TRPC5: variants seen among roughly 807,000 people sequenced by gnomAD.
TRPC5 encodes short transient receptor potential channel 5.
TRPC5 carries 9 observed loss-of-function variants against 56.5 expected under a neutral mutation model. The observed-to-expected ratio is 0.16, with a 90% CI of 0.10 to 0.28. The LOEUF is 0.28. TRPC5 is among the 10% of genes least tolerant of loss of function. The probability of loss-of-function intolerance (pLI) is 1.00; values close to 1 mark genes in which losing one functional copy is unlikely to be tolerated. For synonymous variants in TRPC5, 282 were observed against 278.5 expected, an observed-to-expected ratio of 1.01 and a Z score of -0.13; for missense variants, 469 against 748.9, an observed-to-expected ratio of 0.63 and a Z score of 4.36.
chrX:111,859,912 G>C (rs755133852), intron 3 of TRPC5, among the ~76,000 whole-genome samples: 6 of 112,498 alleles, frequency 5.3e-5, no homozygotes, highest in African/African-American at 1.9e-4. Context: ...TTTTTTGTTT[G>C]TTTGTTTGTT....
At position 111,943,892 on chromosome X, in the gene TRPC5, C is replaced by A. The variant is rs147253013; in HGVS notation, c.378+8151G>T. 6.6e-3 allele frequency among the ~76,000 whole-genome samples: 741 copies of A among 112,120 alleles called. 4 individuals are homozygous for A. Among genetic ancestry groups the A allele is most frequent in the African/African-American group, 0.023 (712 of 30,914 alleles). On this transcript the variant is annotated intron_variant, in intron 2 of 10. Transcript: ENST00000262839. ...CACTGGTGGTGCCTTGTGAGGAGTA[C>A]CGTTTGCCAGCTGGTCTCTCCATAC... is the stretch of plus-strand genomic sequence containing the variant.
At chrX:111,921,875 G>A (rs1926136473) in intron 2 of TRPC5, among the ~76,000 whole-genome samples, 1 of 111,913 alleles carries the variant, frequency 8.9e-6, no homozygotes, top group African/African-American at 3.3e-5. Context: ...TTGTAGAAAA[G>A]CTAGGATCCT....
chrX:111,821,579 C>T (rs757238539), intron 7 of TRPC5, among the ~76,000 whole-genome samples: 1 of 111,922 alleles, frequency 8.9e-6, no homozygotes, highest in Non-Finnish European at 1.9e-5. Flanking sequence ...TGGCACAAGG[C>T]TCCAGTAACC....
At chrX:112,008,600 A>C (rs1231739675) in intron 1 of TRPC5, among the ~76,000 whole-genome samples, 1 of 75,276 alleles carries the variant, frequency 1.3e-5, no homozygotes, top group Non-Finnish European at 2.3e-5. Context: ...ACTCTGTCTC[A>C]AAAAAAAAAA....
chrX:112,068,569 C>T (rs1930642676), intron 1 of TRPC5, among the ~76,000 whole-genome samples: 1 of 112,158 alleles, frequency 8.9e-6, no homozygotes, highest in African/African-American at 3.2e-5. Flanking sequence ...TGGCTTCTGA[C>T]ATCTGCCTGC....
intron 3 of TRPC5, among the ~76,000 whole-genome samples, chrX:111,865,755 G>A (rs1036787326): frequency 4.5e-5 from 5 of 112,221 alleles, no homozygotes; most frequent in Non-Finnish European, 9.4e-5. Flanking sequence ...TGATGAATGA[G>A]TGATTGAATA....
At chrX:111,939,162 G>T (rs912747211) in intron 2 of TRPC5, among the ~76,000 whole-genome samples, 6 of 111,776 alleles carry the variant, frequency 5.4e-5, no homozygotes, top group Admixed American at 2.8e-4. Flanking sequence ...ATAATCATAT[G>T]GTTTCTGTCT....
chrX:112,036,618 G>A (rs183966748), intron 1 of TRPC5, among the ~76,000 whole-genome samples: 110 of 112,017 alleles, frequency 9.8e-4, no homozygotes, highest in Non-Finnish European at 1.9e-3. Flanking sequence ...GCATATACCT[G>A]GTTTCTGTAC....
At position 111,768,504 on chromosome X, in the gene TRPC5, C is replaced by G. The variant is rs1282789753; in HGVS notation, c.*7809G>C. ...TCCTGTGAAGAGTTTAACTATTGTT[C>G]TGTTGAATAGTACCTCTGGTGTGCA... On this transcript the variant is annotated 3_prime_UTR_variant, in exon 11 of 11. Transcript: ENST00000262839. 1.8e-5 allele frequency among the ~76,000 whole-genome samples: 2 copies of G among 111,651 alleles called. No individual in the cohort carries two copies. The highest frequency in any genetic ancestry group is 3.3e-5 in the African/African-American group (1 of 30,760).
At chrX:111,808,759 C>T (rs1030760444) in intron 7 of TRPC5, among the ~76,000 whole-genome samples, 2 of 109,719 alleles carry the variant, frequency 1.8e-5, no homozygotes, top group Admixed American at 9.9e-5. Flanking sequence ...TGCTGGGCCA[C>T]ACCTGAAGCC....
chrX:111,793,173 C>A (rs780291695), intron 7 of TRPC5, among the ~76,000 whole-genome samples: 19 of 111,005 alleles, frequency 1.7e-4, no homozygotes, highest in Non-Finnish European at 3.4e-4. Context: ...ATCCTACCAA[C>A]CCTCCTTTTA....
chrX:111,865,248 T>C (rs1185201611), intron 3 of TRPC5, among the ~76,000 whole-genome samples: 1 of 110,049 alleles, frequency 9.1e-6, no homozygotes, highest in African/African-American at 3.3e-5. Flanking sequence ...CTTGAACTCC[T>C]GGGCTCAAGC....
At chrX:111,825,150 T>TCTTTCTTC (rs1922161315) in intron 7 of TRPC5, among the ~76,000 whole-genome samples, 1 of 17,674 alleles carries the variant, frequency 5.7e-5, no homozygotes, top group Admixed American at 9.0e-4. Flanking sequence ...TTCCTTCCTT[T>TCTTTCTTC]CTTTCTTTCT....
chrX:111,910,967 G>T (rs1305940254), intron 3 of TRPC5, among the ~76,000 whole-genome samples: 2 of 112,765 alleles, frequency 1.8e-5, no homozygotes, highest in Non-Finnish European at 3.7e-5. Flanking sequence ...CTTAAAGCAG[G>T]TAAATGGCAA....
chrX:111,933,128 C>T (rs1383073850), intron 2 of TRPC5, among the ~76,000 whole-genome samples: 1 of 112,127 alleles, frequency 8.9e-6, no homozygotes, highest in Non-Finnish European at 1.9e-5. Context: ...CATACATTTC[C>T]TTGTACTGTT....
chrX:111,947,054 A>G (rs1311808870), intron 2 of TRPC5, among the ~76,000 whole-genome samples: 1 of 111,868 alleles, frequency 8.9e-6, no homozygotes, highest in Non-Finnish European at 1.9e-5. Flanking sequence ...GGACCGAGTC[A>G]GGTCAGGAAC....
chrX:112,062,506 C>T (rs1930481934), intron 1 of TRPC5, among the ~76,000 whole-genome samples: 1 of 111,957 alleles, frequency 8.9e-6, no homozygotes, highest in African/African-American at 3.2e-5. Flanking sequence ...GCATACTAGA[C>T]ATGCAACATA....
chrX:111,901,341 G>A (rs2036119308), intron 3 of TRPC5, among the ~76,000 whole-genome samples: 1 of 111,469 alleles, frequency 9.0e-6, no homozygotes, highest in Admixed American at 9.6e-5. Context: ...CTCTTAACAA[G>A]AGATAAAGAC....
intron 1 of TRPC5, among the ~76,000 whole-genome samples, chrX:112,006,793 C>G (rs954337066): frequency 8.9e-6 from 1 of 111,804 alleles, no homozygotes; most frequent in African/African-American, 3.3e-5. Context: ...CAAACAAACT[C>G]TGGCAATAAA....
Sources: gnomAD v4.1 joint callset for allele counts (sites outside exome capture counted in the v4.1 genomes callset) on GRCh38, gnomAD v4.1.1 for gene constraint, MANE v1.5 for transcripts, NCBI Gene and HGNC (gene_info 2026-07-23, HGNC 2026-07-21) for gene names.